The following CD109 variants were observed in gnomAD, a reference collection of about 807,000 sequenced individuals.
The protein encoded by CD109 is CD109 antigen.
CD109 carries 149 observed loss-of-function variants against 165.8 expected under a neutral mutation model. The ratio of observed to expected loss-of-function variants is 0.90; its 90% confidence interval spans 0.79 to 1.03. The LOEUF (loss-of-function observed/expected upper bound fraction) is 1.03, where lower values mean the gene tolerates loss of function less well. Ranked by LOEUF, CD109 falls within the 50% of genes least tolerant of loss-of-function variation. CD109 has a pLI of 0.00. For missense variants in CD109, 1,712 were observed against 1,677.8 expected (o/e 1.02, Z -0.36); for synonymous variants, 585 against 592.1 (o/e 0.99, Z 0.18).
chr6:73,762,388 A>T lies in CD109; in HGVS notation c.763A>T (p.Thr255Ser). The T allele has an allele frequency of 6.3e-7, 1 of 1,586,716 alleles. No homozygotes were observed. Among genetic ancestry groups the T allele is most frequent in the Admixed American group, 1.7e-5 (1 of 59,794 alleles). ...HLNGTITAKY[T>S]YGKPVKGDVT... ...ACTATGTTTATAATTATTCAGGTAT[A>T]CATATGGGAAGCCAGTGAAAGGAGA... Residue 255 changes from threonine (T) to serine (S), a missense_variant, in exon 8 of 33, where the codon ACA becomes TCA. Physicochemically the swap from Thr to Ser is moderately conservative, Grantham distance 58 (BLOSUM62 1). Coordinates refer to ENST00000287097, the MANE Select transcript of CD109 (RefSeq NM_133493.5).
chr6:73,691,057 C>T (rs1056406716), upstream of CD109, among the ~76,000 whole-genome samples: 1 of 152,296 alleles, frequency 6.6e-6, no homozygotes, highest in African/African-American at 2.4e-5. Context: ...CCCCTCTTCC[C>T]TTTCAGCCAC....
At chr6:73,685,402 G>C in the CD109 span, among the ~76,000 whole-genome samples, 1 of 151,100 alleles carries the variant, frequency 6.6e-6, no homozygotes, top group Non-Finnish European at 1.5e-5. Context: ...GTCTATTTTT[G>C]CTTTTGTTGC....
At chr6:73,696,010 C>T (rs1238323108), upstream of CD109, 2 of 540,886 alleles carry the variant, frequency 3.7e-6, no homozygotes, top group South Asian at 2.1e-5. Flanking sequence ...CAGCGAGAAG[C>T]GCCATTGTAA....
intron 23 of CD109, among the ~76,000 whole-genome samples, chr6:73,794,048 C>T (rs34200645): frequency 2.0e-5 from 3 of 152,194 alleles, no homozygotes; most frequent in Admixed American, 1.3e-4. Flanking sequence ...GTAATGTGAG[C>T]TTTTCTTCCA....
At position 73,766,080 on chromosome 6, in the gene CD109, T is replaced by C. The variant is rs139576637; in HGVS notation, c.1258T>C (p.Tyr420His). 390 of 1,614,042 alleles carry C rather than the reference T, an allele frequency of 2.4e-4. 7 individuals are homozygous for C. The African/African-American group carries it at 4.5e-3, about 19-fold the overall frequency. The change falls in exon 11 of 33, where the codon TAT becomes CAT. Residue 420 changes from tyrosine to histidine, a missense_variant. Physicochemically the swap from Tyr to His is moderately conservative, Grantham distance 83 (BLOSUM62 2). Transcript: ENST00000287097. ...QKMEAVQKIN[Y>H]TVPQSGTFKI... ...AATGGAAGCTGTTCAGAAAATAAAT[T>C]ATACTGTCCCCCAAAGTGGAACTTT...
chr6:73,814,868 A>T, intron 29 of CD109, 113 bp from the exon 30 acceptor site: 1 of 608,088 alleles, frequency 1.6e-6, no homozygotes, highest in Non-Finnish European at 2.5e-6. Context: ...TTTGAAGATT[A>T]AAAATCTTAC....
At chr6:73,781,347 A>G (rs1774489333) in intron 17 of CD109, 28 bp downstream of exon 17, 4 of 1,578,952 alleles carry the variant, frequency 2.5e-6, no homozygotes, top group Non-Finnish European at 3.5e-6. Flanking sequence ...ACATGCTTGT[A>G]TTTGTCTTTC....
Position 73,810,032 on chromosome 6 carries a change from G to A in CD109, c.3404G>A (p.Trp1135Ter), listed in dbSNP as rs1191089902. 6.2e-7 allele frequency: 1 copy of A among 1,604,072 alleles called. No individual in the cohort carries two copies. The highest frequency in any genetic ancestry group is 8.5e-7 in the Non-Finnish European group (1 of 1,176,734). Reference sequence around the variant, plus strand: ...TCAGAGTCCAAACTTTCTGACTCCTGGCAGCCACGCTCCCTGGATATTGAA... The same window carrying A: ...TCAGAGTCCAAACTTTCTGACTCCTAGCAGCCACGCTCCCTGGATATTGAA... ...VSSESKLSDS[W>*]QPRSLDIEVA... Residue 1135 changes from tryptophan to a stop codon, truncating the protein, a stop_gained, in exon 27 of 33, where the codon TGG becomes TAG. Coordinates refer to ENST00000287097, the MANE Select transcript of CD109 (RefSeq NM_133493.5). LOFTEE classifies it high-confidence loss of function.
At chr6:73,763,387 G>C (rs753090674) in intron 9 of CD109, among the ~76,000 whole-genome samples, 189 bp from the exon 10 acceptor site, 7 of 152,172 alleles carry the variant, frequency 4.6e-5, no homozygotes, top group Non-Finnish European at 7.3e-5. Flanking sequence ...ATGGTGCTTA[G>C]AGGGGATCCA....
rs1223987803 is a variant in CD109 at position 73,825,501 on chromosome 6, A to G, written c.*1868A>G. 1 of 152,198 alleles carries G rather than the reference A, an allele frequency of 6.6e-6. No individual in the cohort carries two copies. The highest frequency in any genetic ancestry group is 2.4e-5 in the African/African-American group (1 of 41,444). 9.4% of individuals were successfully genotyped at this position (152,198 alleles called of 1,614,324 possible). ...TTCCTGGCCTGGGAACCTTATACTG[A>G]CAATCAATACTTTATATTTTAAAGT... On this transcript the variant is annotated 3_prime_UTR_variant, in exon 33 of 33. Transcript: ENST00000287097.
chr6:73,772,247 T>C (rs1188624812), intron 15 of CD109, among the ~76,000 whole-genome samples: 2 of 152,150 alleles, frequency 1.3e-5, no homozygotes, highest in Non-Finnish European at 2.9e-5. Context: ...GGCTCATGCC[T>C]GTAATCTCAG....
intron 24 of CD109, among the ~76,000 whole-genome samples, chr6:73,804,328 A>T (rs1775489209): frequency 6.6e-6 from 1 of 152,190 alleles, no homozygotes; most frequent in South Asian, 2.1e-4. Context: ...TCAGTGTTGT[A>T]TTGCTTGATG....
the CD109 span, among the ~76,000 whole-genome samples, chr6:73,681,728 G>T: frequency 2.0e-5 from 3 of 151,832 alleles, no homozygotes; most frequent in Admixed American, 6.6e-5. Context: ...TCAGACTCCT[G>T]AGTAGCTGGG....
chr6:73,791,132 C>CATATAT lies in CD109; in HGVS notation c.2702-1491_2702-1490insTATATA, dbSNP rs1163631661. On this transcript the variant is annotated intron_variant, in intron 22 of 32. Transcript: ENST00000287097. Reference sequence around the variant, plus strand: ...TTATTTGGAGGCATATATATACATACATACATATATATATATATATATATA... The same window carrying CATATAT: ...TTATTTGGAGGCATATATATACATACATATATATACATATATATATATATATATATA... 3.0e-4 allele frequency among the ~76,000 whole-genome samples: 14 copies of CATATAT among 46,756 alleles called. No homozygotes were observed. The East Asian group carries it at 3.7e-3, about 12-fold the overall frequency. The allele number at this position is 46,756 out of a possible 152,430, so 30.7% of individuals were successfully genotyped here.
intron 29 of CD109, among the ~76,000 whole-genome samples, chr6:73,812,539 A>G (rs1015198360): frequency 5.3e-5 from 8 of 152,134 alleles, no homozygotes; most frequent in Admixed American, 6.6e-5. Flanking sequence ...ATGTCCTCCA[A>G]TATGATTCCT....
rs1020455265 is a variant in CD109, at chr6:73,753,240, C to G, written c.634-3403C>G. Among the ~76,000 whole-genome samples the G allele has an allele frequency of 8.5e-5, 13 of 152,186 alleles. 1 individual carries two copies. The highest frequency in any genetic ancestry group is 3.1e-4 in the African/African-American group (13 of 41,512). ...TGCAAAGCCTAAAATATTTACTATC[C>G]CACTCTTTACAGGAAAAGTTTGCAG... On this transcript the variant is annotated intron_variant, in intron 5 of 32. Transcript: ENST00000287097.
At chr6:73,757,132 A>G (rs150428344) in intron 6 of CD109, among the ~76,000 whole-genome samples, 2 of 152,338 alleles carry the variant, frequency 1.3e-5, no homozygotes, top group African/African-American at 2.4e-5. Context: ...GGACCCATCT[A>G]TTTTGTTGGT....
chr6:73,714,242 T>G (rs1288923778), intron 2 of CD109, among the ~76,000 whole-genome samples: 1 of 152,214 alleles, frequency 6.6e-6, no homozygotes, highest in Non-Finnish European at 1.5e-5. Context: ...TGTGCCCGAC[T>G]GCCTTCAGAG....
At chr6:73,747,371 T>G (rs1773020669) in intron 5 of CD109, among the ~76,000 whole-genome samples, 1 of 152,180 alleles carries the variant, frequency 6.6e-6, no homozygotes, top group Admixed American at 6.5e-5. Context: ...CTGCCTCCAT[T>G]TTCCCAACTC....
Sources: gnomAD v4.1 joint callset for allele counts (sites outside exome capture counted in the v4.1 genomes callset) on GRCh38, gnomAD v4.1.1 for gene constraint, MANE v1.5 for transcripts, NCBI Gene and HGNC (gene_info 2026-07-23, HGNC 2026-07-21) for gene names.